Variants in MBD5 observed in about 807,000 individuals in gnomAD.
MBD5 encodes the protein methyl-CpG binding domain protein 5, also known as methyl-CpG-binding domain protein 5.
MBD5 carries 13 observed loss-of-function variants against 117.3 expected under a neutral mutation model. That is an observed-to-expected ratio of 0.11 (90% CI 0.07 to 0.18). The LOEUF is 0.18. Ranked by LOEUF, MBD5 falls within the 10% of genes least tolerant of loss-of-function variation. The probability of loss-of-function intolerance (pLI) is 1.00; values close to 1 mark genes in which losing one functional copy is unlikely to be tolerated. For missense variants in MBD5, 1,879 were observed against 2,093.8 expected (o/e 0.90, Z 2.00); for synonymous variants, 727 against 766.4 (o/e 0.95, Z 0.85).
intron 2 of MBD5, among the ~76,000 whole-genome samples, chr2:148,185,693 G>A (rs962709712): frequency 1.3e-5 from 2 of 152,074 alleles, no homozygotes; most frequent in African/African-American, 4.8e-5. Flanking sequence ...CTTGAGCTAA[G>A]GAGTTCAAGA....
intron 4 of MBD5, among the ~76,000 whole-genome samples, chr2:148,377,610 T>C (rs73015168): frequency 0.013 from 2,044 of 152,314 alleles, 53 homozygotes; most frequent in African/African-American, 0.045. Context: ...TGATTATGTC[T>C]CTCTCACTGC....
chr2:148,346,349 T>A (rs189934807), intron 4 of MBD5: 88 of 152,114 alleles, frequency 5.8e-4, no homozygotes, highest in African/African-American at 2.1e-3. Flanking sequence ...ACTACACACT[T>A]TGAAAATGCT....
intron 4 of MBD5, among the ~76,000 whole-genome samples, chr2:148,378,670 A>T (rs1237276369): frequency 6.6e-6 from 1 of 152,130 alleles, no homozygotes; most frequent in Admixed American, 6.5e-5. Flanking sequence ...ATTGTAATCA[A>T]TTTTTTAAAA....
At chr2:148,197,297 C>T (rs1699012748) in intron 2 of MBD5, among the ~76,000 whole-genome samples, 1 of 152,126 alleles carries the variant, frequency 6.6e-6, no homozygotes, top group Non-Finnish European at 1.5e-5. Flanking sequence ...ATTTCAGTTC[C>T]CAGCCTTAAA....
intron 3 of MBD5, among the ~76,000 whole-genome samples, chr2:148,290,225 T>C (rs946145923): frequency 6.7e-6 from 1 of 150,326 alleles, no homozygotes; most frequent in African/African-American, 2.5e-5. Flanking sequence ...CCCAAAGTCC[T>C]GGGATTATAG....
chr2:148,312,385 T>G (rs772509728), intron 3 of MBD5, among the ~76,000 whole-genome samples: 6 of 152,332 alleles, frequency 3.9e-5, no homozygotes, highest in African/African-American at 1.4e-4. Flanking sequence ...TTTTCACACT[T>G]TATTTCATTA....
At chr2:148,075,876 A>T (rs1695496287) in intron 1 of MBD5, among the ~76,000 whole-genome samples, 1 of 152,184 alleles carries the variant, frequency 6.6e-6, no homozygotes, top group Non-Finnish European at 1.5e-5. Flanking sequence ...CTTAAATATA[A>T]TTAAAATTCC....
intron 1 of MBD5, among the ~76,000 whole-genome samples, chr2:148,123,107 T>C (rs1475075501): frequency 6.6e-6 from 1 of 152,244 alleles, no homozygotes; most frequent in Non-Finnish European, 1.5e-5. Context: ...AATGGTTTTC[T>C]GAAGTCTTTC....
At chr2:148,029,177 T>A (rs534186444) in intron 1 of MBD5, among the ~76,000 whole-genome samples, 164 of 152,252 alleles carry the variant, frequency 1.1e-3, no homozygotes, top group Middle Eastern at 3.4e-3. Context: ...ATACTTTTTT[T>A]AAAATTTAGG....
chr2:148,284,128 A>G (rs1315417976), intron 3 of MBD5, among the ~76,000 whole-genome samples: 1 of 152,164 alleles, frequency 6.6e-6, no homozygotes, highest in Non-Finnish European at 1.5e-5. Flanking sequence ...TGAACAATTT[A>G]TAATGGAGTT....
chr2:148,354,276 C>A (rs550492406), intron 4 of MBD5, among the ~76,000 whole-genome samples: 1 of 152,038 alleles, frequency 6.6e-6, no homozygotes, highest in African/African-American at 2.4e-5. Flanking sequence ...CTCCACCCCC[C>A]ACCAACAGGC....
At chr2:148,160,430 T>G (rs1697982059) in intron 1 of MBD5, among the ~76,000 whole-genome samples, 1 of 152,076 alleles carries the variant, frequency 6.6e-6, no homozygotes, top group Non-Finnish European at 1.5e-5. Flanking sequence ...TATTTTGGTG[T>G]GGTATATAAG....
chr2:148,253,576 A>G (rs567427268), intron 3 of MBD5, among the ~76,000 whole-genome samples: 29 of 152,340 alleles, frequency 1.9e-4, no homozygotes, highest in Non-Finnish European at 7.3e-5. Context: ...CCCAATGCAT[A>G]TAAAAGTTAT....
intron 1 of MBD5, among the ~76,000 whole-genome samples, chr2:148,173,072 G>A (rs1254690833): frequency 2.0e-5 from 3 of 152,080 alleles, no homozygotes; most frequent in African/African-American, 7.2e-5. Context: ...CAAGAACTTG[G>A]GACCCGCCGA....
At chr2:148,038,179 G>C (rs1345018353) in intron 1 of MBD5, among the ~76,000 whole-genome samples, 1 of 151,994 alleles carries the variant, frequency 6.6e-6, no homozygotes, top group African/African-American at 2.4e-5. Context: ...AAGTCAGGCA[G>C]GATGCCTAGA....
At chr2:148,121,264 T>C (rs1174859944) in intron 1 of MBD5, among the ~76,000 whole-genome samples, 1 of 152,198 alleles carries the variant, frequency 6.6e-6, no homozygotes, top group Non-Finnish European at 1.5e-5. Context: ...CACTTGTTAG[T>C]GCTAATATAC....
chr2:148,407,566 C>A (rs1705122032), intron 4 of MBD5, among the ~76,000 whole-genome samples: 1 of 152,096 alleles, frequency 6.6e-6, no homozygotes, highest in South Asian at 2.1e-4. Flanking sequence ...TCACTTAGTA[C>A]TCTTAAATTA....
Position 148,470,237 on chromosome 2 carries a change from A to G in MBD5, c.2294A>G (p.Asn765Ser). Reference protein sequence around the residue: ...RGEAVHCHNANTNFVHSNSPV... With the variant: ...RGEAVHCHNASTNFVHSNSPV... ...GAAGCCGTGCACTGCCACAATGCAA[A>G]CACTAACTTTGTTCACAGTAACAGT... Residue 765 changes from asparagine (N) to serine (S), a missense_variant, in exon 8 of 14, where the codon AAC becomes AGC. Physicochemically the swap from Asn to Ser is conservative, Grantham distance 46. This residue lies in a region of MBD5 where 1,666 missense variants were observed against 1,792.2 expected (regional missense o/e 0.93). Transcript: ENST00000642680. 1 of 1,613,972 alleles carries G rather than the reference A, an allele frequency of 6.2e-7. No individual in the cohort carries two copies. The highest frequency in any genetic ancestry group is 8.5e-7 in the Non-Finnish European group (1 of 1,179,916).
At chr2:148,330,623 A>G (rs1055445750) in intron 3 of MBD5, 2 of 152,172 alleles carry the variant, frequency 1.3e-5, no homozygotes, top group Non-Finnish European at 2.9e-5. Context: ...TTTCTAGTCT[A>G]TGTTTTGTAG....
Sources: allele counts gnomAD v4.1 joint callset (sites outside exome capture counted in the v4.1 genomes callset), GRCh38; gene constraint gnomAD v4.1.1; regional missense constraint gnomAD v4.1.1; transcripts MANE v1.5; gene names NCBI Gene and HGNC (gene_info 2026-07-23, HGNC 2026-07-21).